The following TNRC6C variants were observed in gnomAD, a reference collection of about 807,000 sequenced individuals.
The protein encoded by TNRC6C is trinucleotide repeat-containing gene 6C protein.
A neutral mutation model predicts 153.7 loss-of-function variants in TNRC6C; 20 were observed. The ratio of observed to expected loss-of-function variants is 0.13; its 90% CI spans 0.09 to 0.19. TNRC6C has a LOEUF of 0.19. TNRC6C is among the 10% of genes least tolerant of loss of function. The pLI is 1.00. For missense variants in TNRC6C, 1,987 were observed against 2,172.0 expected (o/e 0.91, Z 1.69); for synonymous variants, 811 against 841.4 (o/e 0.96, Z 0.63).
chr17:78,054,359 C>T (rs1437355738), intron 3 of TNRC6C, among the ~76,000 whole-genome samples: 3 of 151,646 alleles, frequency 2.0e-5, no homozygotes, highest in African/African-American at 7.3e-5. Flanking sequence ...ACTACGCACA[C>T]CACTGCAGAC....
intron 1 of TNRC6C, among the ~76,000 whole-genome samples, chr17:77,988,059 T>G (rs530859693): frequency 1.2e-4 from 18 of 152,064 alleles, no homozygotes; most frequent in African/African-American, 4.3e-4. Flanking sequence ...TTAGAAATAT[T>G]TATCAGCTAT....
At chr17:78,018,495 A>G (rs1424147602) in intron 1 of TNRC6C, among the ~76,000 whole-genome samples, 2 of 152,086 alleles carry the variant, frequency 1.3e-5, no homozygotes, top group Non-Finnish European at 2.9e-5. Context: ...AACCCATTAA[A>G]TATTTTCTAA....
At chr17:77,959,593 C>G (rs924544978) in intron 1 of TNRC6C, among the ~76,000 whole-genome samples, 1 of 152,112 alleles carries the variant, frequency 6.6e-6, no homozygotes, top group African/African-American at 2.4e-5. Context: ...TTCCGGGCAG[C>G]CCCCCGCAGA....
At chr17:78,072,992 T>C in intron 6 of TNRC6C, 45 bp from the exon 9 acceptor site, 1 of 1,421,948 alleles carries the variant, frequency 7.0e-7, no homozygotes, top group Non-Finnish European at 9.7e-7. Flanking sequence ...ACCTTTCCTT[T>C]TGTTAATTAA....
At chr17:77,994,546 G>A (rs1012114962) in intron 1 of TNRC6C, among the ~76,000 whole-genome samples, 7 of 152,112 alleles carry the variant, frequency 4.6e-5, no homozygotes, top group African/African-American at 1.7e-4. Context: ...GCCACCCTGG[G>A]GATCATCTGC....
chr17:78,066,339 GTGGTTTTTTT>G (rs951912446), intron 4 of TNRC6C: 3 of 151,644 alleles, frequency 2.0e-5, no homozygotes, highest in African/African-American at 4.8e-5. Flanking sequence ...TTTGTACTTT[GTGGTTTTTTT>G]TGGTTTTTTT....
Position 78,104,502 on chromosome 17 carries a change from C to A in TNRC6C, c.4730C>A (p.Thr1577Asn). The A allele has an allele frequency of 6.6e-7, 1 of 1,519,614 alleles. No homozygotes were observed. Among genetic ancestry groups the A allele is most frequent in the East Asian group, 2.4e-5 (1 of 41,004 alleles). The allele number at this position is 1,519,614 out of a possible 1,614,324, so 94.1% of individuals were successfully genotyped here. ...TGTTGCAGGTGCGTCCTGGGAAACACTACCATCCTGGCCGAGTTCGCTGGT... is the reference window on the plus strand; with the variant it reads ...TGTTGCAGGTGCGTCCTGGGAAACAATACCATCCTGGCCGAGTTCGCTGGT... The change falls in exon 20 of 20, where the codon ACT becomes AAT. Residue 1577 changes from threonine to asparagine, a missense_variant. Transcript: ENST00000301624. This position sits in a 1 kb window ranked among gnomAD's most constrained non-coding sequence, Gnocchi z 6.2.
In TNRC6C at chr17:78,087,223, T is replaced by C. The variant is rs2073311030; in HGVS notation, c.3802+130T>C. 4.2e-6 allele frequency: 6 copies of C among 1,438,430 alleles called. No homozygotes were observed. The African/African-American group carries it at 5.7e-5, about 14-fold the overall frequency. 89.1% of individuals were successfully genotyped at this position (1,438,430 alleles called of 1,614,324 possible). ...CGCTGAAACCATAGCCTGTTGGAAATGCAGCCCCAGACAAAATCGGAGAGC... is the reference window on the plus strand; with the variant it reads ...CGCTGAAACCATAGCCTGTTGGAAACGCAGCCCCAGACAAAATCGGAGAGC... On this transcript the variant is annotated intron_variant, in intron 13 of 19. Transcript: ENST00000301624.
At chr17:78,106,234 TA>T (rs2073691590) in exon 20 of TNRC6C, 1 of 148,648 alleles carries the variant, frequency 6.7e-6, no homozygotes, top group Non-Finnish European at 1.5e-5. Flanking sequence ...TTTAAAATTT[TA>T]AAAATTTAAA....
At position 78,104,654 on chromosome 17, in the gene TNRC6C, A is replaced by G; in HGVS notation, c.4882A>G (p.Ser1628Gly). The G allele has an allele frequency of 6.5e-7, 1 of 1,545,034 alleles. No homozygotes were observed. The highest frequency in any genetic ancestry group is 8.7e-7 in the Non-Finnish European group (1 of 1,146,622). ...GGGCAGCTCCCATGGCCTGGTACGCAGCGACGCTGGCCACTGGAACGCCCC... is the reference window on the plus strand; with the variant it reads ...GGGCAGCTCCCATGGCCTGGTACGCGGCGACGCTGGCCACTGGAACGCCCC... Residue 1628 changes from serine to glycine, a missense_variant, in exon 20 of 20, where the codon AGC (serine) becomes GGC (glycine). By Grantham distance (56) the Ser-to-Gly change is moderately conservative. Coordinates refer to ENST00000301624, the Ensembl canonical transcript of TNRC6C. The surrounding 1 kb of genome is among the most constrained non-coding windows in gnomAD (Gnocchi z 6.2).
Position 78,093,416 on chromosome 17 carries a change from A to G in TNRC6C, c.4163-204A>G, listed in dbSNP as rs561582865. ...ACTATTCCAACCCTGTGTGAAAACT[A>G]GCTTAATATGATAGCTGTGATACCT... On this transcript the variant is annotated intron_variant, in intron 15 of 19. Coordinates refer to ENST00000301624, the Ensembl canonical transcript of TNRC6C. 5.5e-6 allele frequency: 4 copies of G among 721,616 alleles called. No individual in the cohort carries two copies. The African/African-American group carries it at 7.1e-5, about 13-fold the overall frequency. The allele number at this position is 721,616 out of a possible 1,614,324, so 44.7% of individuals were successfully genotyped here.
exon 3 of TNRC6C, chr17:78,048,973 C>T (rs2072463364): frequency 7.2e-7 from 1 of 1,387,646 alleles, no homozygotes; most frequent in African/African-American, 1.5e-5. Flanking sequence ...GGAGGCGTGG[C>T]CTTCCATCAC....
intron 13 of TNRC6C, among the ~76,000 whole-genome samples, chr17:78,088,556 C>T (rs970735666): frequency 4.6e-5 from 7 of 151,910 alleles, no homozygotes; most frequent in Non-Finnish European, 1.0e-4. Flanking sequence ...TGTGGAAATA[C>T]TTAACTCCTA....
At chr17:78,038,029 A>G (rs2072214983) in intron 2 of TNRC6C, among the ~76,000 whole-genome samples, 1 of 152,236 alleles carries the variant, frequency 6.6e-6, no homozygotes, top group Admixed American at 6.5e-5. Context: ...CTGAGAAAAT[A>G]GTGGTTCAGA....
At chr17:78,066,407 A>G (rs1046009595) in intron 4 of TNRC6C, 1 of 151,688 alleles carries the variant, frequency 6.6e-6, no homozygotes, top group African/African-American at 2.4e-5. Context: ...TATAGCCACC[A>G]CTCTGCTCAA....
chr17:78,002,026 A>G (rs1180466895), upstream of TNRC6C, among the ~76,000 whole-genome samples: 15 of 152,148 alleles, frequency 9.9e-5, no homozygotes, highest in African/African-American at 3.1e-4. Context: ...TTGACTTATA[A>G]ATTTATTTTA....
chr17:78,002,255 T>C (rs979566347), upstream of TNRC6C, among the ~76,000 whole-genome samples: 1 of 152,188 alleles, frequency 6.6e-6, no homozygotes, highest in African/African-American at 2.4e-5. Flanking sequence ...GCTGAGATTA[T>C]ATACCAGAAA....
intron 1 of TNRC6C, among the ~76,000 whole-genome samples, chr17:77,997,837 G>C (rs1468760477): frequency 6.6e-6 from 1 of 151,698 alleles, no homozygotes; most frequent in East Asian, 1.9e-4. Context: ...TGTATTTTTA[G>C]TAGAGACGGG....
chr17:78,002,468 C>G (rs2071427258), upstream of TNRC6C, among the ~76,000 whole-genome samples: 2 of 152,230 alleles, frequency 1.3e-5, no homozygotes, highest in South Asian at 2.1e-4. Context: ...TTCATCTTGT[C>G]AAATTCTCAC....
Sources: allele counts gnomAD v4.1 joint callset (sites outside exome capture counted in the v4.1 genomes callset), GRCh38; gene constraint gnomAD v4.1.1; non-coding constraint Gnocchi (gnomAD v3.1); transcripts MANE v1.5; gene names NCBI Gene and HGNC (gene_info 2026-07-23, HGNC 2026-07-21).